MYOCD: variants seen among roughly 807,000 people sequenced by gnomAD.
MYOCD encodes myocardin.
In MYOCD, 32 loss-of-function variants were observed where a neutral mutation model predicts 96.1. The ratio of observed to expected loss-of-function variants is 0.33; its 90% confidence interval spans 0.25 to 0.45. MYOCD has a LOEUF of 0.45. Among genes scored for constraint, MYOCD ranks in the 20% least tolerant of loss-of-function variants. The pLI is 1.00. For missense variants in MYOCD, 1,133 were observed against 1,200.6 expected, an observed-to-expected ratio of 0.94 and a Z score of 0.83; for synonymous variants, 469 against 469.0, an observed-to-expected ratio of 1.00 and a Z score of 0.00.
At chr17:12,751,153 T>C (rs2032841615) in intron 9 of MYOCD, among the ~76,000 whole-genome samples, 2 of 152,104 alleles carry the variant, frequency 1.3e-5, no homozygotes, top group Admixed American at 1.3e-4. Flanking sequence ...TTAATATGTT[T>C]CCTGTTTTAA....
intron 1 of MYOCD, among the ~76,000 whole-genome samples, chr17:12,695,550 T>C (rs1255444196): frequency 6.6e-6 from 1 of 152,234 alleles, no homozygotes; most frequent in Non-Finnish European, 1.5e-5. Context: ...TACCCCTTTA[T>C]CCCTTTGTGC....
chr17:12,679,922 CT>C (rs1910347451), intron 1 of MYOCD, among the ~76,000 whole-genome samples: 1 of 152,168 alleles, frequency 6.6e-6, no homozygotes, highest in Non-Finnish European at 1.5e-5. Flanking sequence ...GCAGGTGCTG[CT>C]TATCTCTGCA....
chr17:12,668,021 G>GA (rs879635988), intron 1 of MYOCD, among the ~76,000 whole-genome samples: 54 of 151,778 alleles, frequency 3.6e-4, no homozygotes, highest in Non-Finnish European at 6.5e-4. Flanking sequence ...ACAGACAAGA[G>GA]AAAAAAAACA....
chr17:12,694,227 G>A (rs181413113), intron 1 of MYOCD, among the ~76,000 whole-genome samples: 145 of 152,286 alleles, frequency 9.5e-4, no homozygotes, highest in Middle Eastern at 3.4e-3. Flanking sequence ...GCAGGGAAGG[G>A]AAGGGAAGCT....
intron 1 of MYOCD, among the ~76,000 whole-genome samples, chr17:12,702,521 A>T (rs955323841): frequency 6.6e-5 from 10 of 151,984 alleles, no homozygotes; most frequent in African/African-American, 2.4e-4. Context: ...TTATTTGAGC[A>T]TTTCAACTAT....
At chr17:12,693,202 A>G (rs2030547814) in intron 1 of MYOCD, among the ~76,000 whole-genome samples, 1 of 152,176 alleles carries the variant, frequency 6.6e-6, no homozygotes, top group Non-Finnish European at 1.5e-5. Flanking sequence ...AGGAAGGTAC[A>G]TGCGTAGGGT....
chr17:12,672,384 G>A (rs1363383457), intron 1 of MYOCD, among the ~76,000 whole-genome samples: 6 of 152,236 alleles, frequency 3.9e-5, no homozygotes, highest in Middle Eastern at 3.4e-3. Context: ...TACGACGTTA[G>A]TACTTTGAAT....
At chr17:12,715,380 CCT>C in intron 2 of MYOCD, 137 bp from the exon 3 acceptor site, 3 of 572,110 alleles carry the variant, frequency 5.2e-6, no homozygotes, top group Non-Finnish European at 9.1e-6. Context: ...CCAGGCCTGT[CCT>C]CTCTCATTGC....
rs1158565572 is a variant in MYOCD, at chr17:12,763,221, C to G, written c.2538C>G (p.Pro846=). The G allele has an allele frequency of 6.2e-7, 1 of 1,614,156 alleles. No homozygotes were observed. Among genetic ancestry groups the G allele is most frequent in the Non-Finnish European group, 8.5e-7 (1 of 1,180,032 alleles). The change falls in exon 14 of 14, where the codon CCC becomes CCG. Residue 846 remains proline (P), a synonymous_variant. Transcript: ENST00000425538. ...CAGGCAGCCAGATCCCCTTTGATCC[C>G]TATGCCACCGACAGTGATGAGCATC... ...ASSGSQIPFD[P]YATDSDEHLE...
chr17:12,709,836 C>T (rs1824746217), intron 2 of MYOCD, among the ~76,000 whole-genome samples: 1 of 152,148 alleles, frequency 6.6e-6, no homozygotes. Flanking sequence ...ATTTCTTATG[C>T]AAATTTTCTC....
chr17:12,716,443 C>T (rs1597774929), intron 3 of MYOCD, among the ~76,000 whole-genome samples: 1 of 152,294 alleles, frequency 6.6e-6, no homozygotes, highest in East Asian at 1.9e-4. Context: ...AGTGTTGGCC[C>T]TCCCACAGCC....
chr17:12,727,445 G>A (rs2032031635), intron 5 of MYOCD, among the ~76,000 whole-genome samples: 1 of 152,182 alleles, frequency 6.6e-6, no homozygotes, highest in African/African-American at 2.4e-5. Context: ...AATGGCGAAG[G>A]TGACCCAGCT....
intron 3 of MYOCD, 139 bp downstream of exon 3, chr17:12,715,713 A>C (rs1485895458): frequency 7.1e-6 from 4 of 567,022 alleles, no homozygotes; most frequent in Non-Finnish European, 1.3e-5. Flanking sequence ...ATCATGTGGA[A>C]TCTTACTCCT....
At position 12,744,333 on chromosome 17, in the gene MYOCD, C is replaced by CTGT; in HGVS notation, c.869_870insGTT (p.Leu290_Gln291insPhe). 6.2e-7 allele frequency: 1 copy of CTGT among 1,614,224 alleles called. No homozygotes were observed. The highest frequency in any genetic ancestry group is 8.5e-7 in the Non-Finnish European group (1 of 1,180,042). ...TATGGACTCAGCCTACGCTCGGCTG[C>CTGT]TCCAGCAACAGCAGCTGTTCCTGCA... On this transcript the variant is annotated inframe_insertion, in exon 8 of 14. Transcript: ENST00000425538.
intron 2 of MYOCD, chr17:12,706,223 T>A (rs1000601090): frequency 2.0e-5 from 3 of 152,188 alleles, no homozygotes; most frequent in African/African-American, 7.2e-5. Flanking sequence ...TATGTGACCT[T>A]AAAGTGGGAC....
At chr17:12,698,201 AC>A (rs1175598458) in intron 1 of MYOCD, among the ~76,000 whole-genome samples, 1 of 152,222 alleles carries the variant, frequency 6.6e-6, no homozygotes, top group African/African-American at 2.4e-5. Context: ...CAAGGAGATA[AC>A]CCACTAATAA....
chr17:12,708,837 C>T (rs972116899), intron 2 of MYOCD, among the ~76,000 whole-genome samples: 52 of 152,180 alleles, frequency 3.4e-4, no homozygotes, highest in Admixed American at 3.2e-3. Flanking sequence ...ACCTGTGTCT[C>T]CTGATCCCCG....
At chr17:12,685,155 C>T (rs542895002) in intron 1 of MYOCD, among the ~76,000 whole-genome samples, 14 of 151,530 alleles carry the variant, frequency 9.2e-5, no homozygotes, top group Admixed American at 2.6e-4. Context: ...AAATATTAGC[C>T]AGGCATGGTG....
Position 12,709,246 on chromosome 17 carries a change from G to T in MYOCD, c.121+4053G>T, listed in dbSNP as rs76038293. On this transcript the variant is annotated intron_variant, in intron 2 of 13. Transcript: ENST00000425538. ...TTCCCTTTTCCTGGGCATGCATTCT[G>T]CAGGGTTTGAGGTTGCTGCTGAGTA... 3.2e-3 allele frequency among the ~76,000 whole-genome samples: 491 copies of T among 152,320 alleles called. 9 individuals are homozygous for T. The highest frequency in any genetic ancestry group is 0.017 in the East Asian group (88 of 5,188).
Sources: gnomAD v4.1 joint callset for allele counts (sites outside exome capture counted in the v4.1 genomes callset) on GRCh38, gnomAD v4.1.1 for gene constraint, MANE v1.5 for transcripts, NCBI Gene and HGNC (gene_info 2026-07-23, HGNC 2026-07-21) for gene names.